Variants in TCF7L2 observed in about 807,000 individuals in gnomAD.
The protein encoded by TCF7L2 is transcription factor 7-like 2.
TCF7L2 carries 23 observed loss-of-function variants against 77.9 expected under a neutral mutation model. The ratio of observed to expected loss-of-function variants is 0.30; its 90% CI spans 0.21 to 0.42. The LOEUF (loss-of-function observed/expected upper bound fraction) is 0.42, where lower values mean the gene tolerates loss of function less well. Ranked by LOEUF, TCF7L2 falls within the 10% of genes least tolerant of loss-of-function variation. The pLI, the probability that TCF7L2 is intolerant of heterozygous loss-of-function variation, is 1.00. For synonymous variants in TCF7L2, 413 were observed against 340.2 expected, an observed-to-expected ratio of 1.21 and a Z score of -2.36; for missense variants, 654 against 793.1, an observed-to-expected ratio of 0.82 and a Z score of 2.11.
chr10:113,092,870 G>A (rs576855591), intron 5 of TCF7L2, among the ~76,000 whole-genome samples: 2 of 152,220 alleles, frequency 1.3e-5, no homozygotes, highest in South Asian at 4.1e-4. Context: ...CTCGGCTGGG[G>A]GGGTTGGTGG....
chr10:112,967,635 G>GT (rs111510229), intron 4 of TCF7L2, among the ~76,000 whole-genome samples: 54,758 of 141,612 alleles, frequency 0.39, 13,528 homozygotes, highest in East Asian at 0.71. Context: ...AAAATTAAAA[G>GT]TTTTTTTTTT....
At chr10:113,107,778 A>AAAAAAAAAAAAAAAAAAT (rs2062586915) in intron 5 of TCF7L2, among the ~76,000 whole-genome samples, 1 of 141,116 alleles carries the variant, frequency 7.1e-6, no homozygotes, top group Non-Finnish European at 1.6e-5. Context: ...AAAAAAAAAC[A>AAAAAAAAAAAAAAAAAAT]ACAAAAAAAT....
chr10:113,060,832 GC>G (rs2056320827), intron 5 of TCF7L2, among the ~76,000 whole-genome samples: 1 of 152,036 alleles, frequency 6.6e-6, no homozygotes, highest in Admixed American at 6.6e-5. Context: ...TGGCTGGATC[GC>G]CTGTTGTGGC....
intron 13 of TCF7L2, chr10:113,161,407 C>T: frequency 1.5e-6 from 1 of 665,796 alleles, no homozygotes; most frequent in Non-Finnish European, 2.6e-6. Flanking sequence ...CCAGAAGTGT[C>T]CAAATTAAGC....
rs553050120 is a variant in TCF7L2 at position 112,976,839 on chromosome 10, A to G, written c.450+12215A>G. Among the ~76,000 whole-genome samples the G allele has an allele frequency of 2.0e-5, 3 of 152,300 alleles. No individual in the cohort carries two copies. In the East Asian group the frequency reaches 5.8e-4, roughly 29 times the overall value. On this transcript the variant is annotated intron_variant, in intron 4 of 13. Coordinates refer to ENST00000627217, the MANE Select transcript of TCF7L2 (RefSeq NM_001146274.2). ...GATTCCAGCTCTCCATCAGTGCGTG[A>G]ATTTGCACTGCTGTCTTAGAGACTA...
At position 113,075,628 on chromosome 10, in the gene TCF7L2, T is replaced by C. The variant is rs542156438; in HGVS notation, c.552+35502T>C. Among the ~76,000 whole-genome samples the C allele has an allele frequency of 1.2e-4, 19 of 152,122 alleles. No individual in the cohort carries two copies. In the East Asian group the frequency reaches 3.5e-3, roughly 28 times the overall value. ...AGAAAAGATTAAAGCTGCACAGACA[T>C]GATGATGTAAAAGCTAGTAGCTTCT... On this transcript the variant is annotated intron_variant, in intron 5 of 13. Transcript: ENST00000627217.
At chr10:113,129,995 G>A in intron 5 of TCF7L2, 1 of 1,271,870 alleles carries the variant, frequency 7.9e-7, no homozygotes, top group South Asian at 1.3e-5. Flanking sequence ...TGGGTGAGTA[G>A]TGGGGTGTGT....
At chr10:113,029,261 C>T (rs1266435040) in intron 4 of TCF7L2, among the ~76,000 whole-genome samples, 3 of 152,062 alleles carry the variant, frequency 2.0e-5, no homozygotes, top group African/African-American at 7.2e-5. Context: ...TGAAACAGTC[C>T]TCTTTCCCAT....
At chr10:113,071,808 T>A (rs1177486867) in intron 5 of TCF7L2, among the ~76,000 whole-genome samples, 3 of 152,240 alleles carry the variant, frequency 2.0e-5, no homozygotes, top group South Asian at 4.1e-4. Flanking sequence ...ACAGACACTA[T>A]CAGGCAGGTC....
At chr10:112,996,368 A>G (rs1402336402) in intron 4 of TCF7L2, among the ~76,000 whole-genome samples, 1 of 152,178 alleles carries the variant, frequency 6.6e-6, no homozygotes, top group East Asian at 1.9e-4. Context: ...AATATTTTAC[A>G]TGGGAAACCT....
intron 5 of TCF7L2, among the ~76,000 whole-genome samples, chr10:113,070,547 G>A (rs4918791): frequency 0.34 from 51,447 of 151,810 alleles, 9,766 homozygotes; most frequent in East Asian, 0.64. Context: ...CATGTGCCAG[G>A]CACTGTGCTA....
At chr10:112,961,254 A>ACCGCCCCCCCCCCCCCCCCCCCCCCCC (rs1349844083) in intron 3 of TCF7L2, among the ~76,000 whole-genome samples, 2 of 60,480 alleles carry the variant, frequency 3.3e-5, no homozygotes, top group African/African-American at 3.0e-4. Flanking sequence ...ACCTCAGGTG[A>ACCGCCCCCCCCCCCCCCCCCCCCCCCC]CCCCCCCCCC....
chr10:112,990,620 C>T (rs115929230), intron 4 of TCF7L2, among the ~76,000 whole-genome samples: 1,794 of 151,860 alleles, frequency 0.012, 38 homozygotes, highest in African/African-American at 0.041. Flanking sequence ...GGTGGGCGGG[C>T]GATTGAGCTC....
At chr10:113,052,377 T>C (rs1333380917) in intron 5 of TCF7L2, among the ~76,000 whole-genome samples, 1 of 152,172 alleles carries the variant, frequency 6.6e-6, no homozygotes, top group Non-Finnish European at 1.5e-5. Flanking sequence ...GTGTCACAGC[T>C]GTCATTGCTG....
intron 5 of TCF7L2, among the ~76,000 whole-genome samples, chr10:113,112,322 G>A (rs1003647338): frequency 1.3e-5 from 2 of 152,254 alleles, no homozygotes; most frequent in Admixed American, 6.5e-5. Context: ...GTCAGCAGAA[G>A]GGGCCAGGCA....
chr10:113,115,640 A>G (rs770270959), intron 5 of TCF7L2, among the ~76,000 whole-genome samples: 2 of 152,142 alleles, frequency 1.3e-5, no homozygotes, highest in Non-Finnish European at 2.9e-5. Flanking sequence ...TGCTGTTGAA[A>G]TGGAAGGCTG....
At chr10:113,020,979 G>T (rs2048181613) in intron 4 of TCF7L2, among the ~76,000 whole-genome samples, 1 of 152,136 alleles carries the variant, frequency 6.6e-6, no homozygotes, top group African/African-American at 2.4e-5. Flanking sequence ...GCTGGGATTT[G>T]TCACCCAGGT....
chr10:113,015,550 C>T (rs899914879), intron 4 of TCF7L2, among the ~76,000 whole-genome samples: 5 of 151,636 alleles, frequency 3.3e-5, no homozygotes, highest in African/African-American at 1.2e-4. Context: ...TGCACTGCAG[C>T]CTCAAACACC....
chr10:113,163,504 A>T (rs1592517559), intron 13 of TCF7L2, among the ~76,000 whole-genome samples: 1 of 145,834 alleles, frequency 6.9e-6, no homozygotes, highest in African/African-American at 2.6e-5. Flanking sequence ...CCCCCTCCCC[A>T]CCTCCTTTCC....
Sources: gnomAD v4.1 joint callset for allele counts (sites outside exome capture counted in the v4.1 genomes callset) on GRCh38, gnomAD v4.1.1 for gene constraint, MANE v1.5 for transcripts, NCBI Gene and HGNC (gene_info 2026-07-23, HGNC 2026-07-21) for gene names.